TMEM63B: variants seen among roughly 807,000 people sequenced by gnomAD.
The protein encoded by TMEM63B is mechanosensitive cation channel TMEM63B.
A neutral mutation model predicts 102.6 loss-of-function variants in TMEM63B; 23 were observed. The ratio of observed to expected loss-of-function variants is 0.22; its 90% CI spans 0.16 to 0.32. The LOEUF is 0.32. Ranked by LOEUF, TMEM63B falls within the 10% of genes least tolerant of loss-of-function variation. The pLI, the probability that TMEM63B is intolerant of heterozygous loss-of-function variation, is 1.00. For synonymous variants in TMEM63B, 444 were observed against 437.0 expected, an observed-to-expected ratio of 1.02 and a Z score of -0.20; for missense variants, 628 against 1,095.9, an observed-to-expected ratio of 0.57 and a Z score of 6.03.
Position 44,127,583 on chromosome 6 carries a change from G to C in TMEM63B, c.-120G>C, listed in dbSNP as rs1037608838. On this transcript the variant is annotated 5_prime_UTR_variant, in exon 1 of 24. Coordinates refer to ENST00000323267, the MANE Select transcript of TMEM63B (RefSeq NM_018426.3). ...ACTGCCGCGGCCGCCGCAGGAGCCCGGAGCTCGAGCCGCCCAGCGACTCCC... is the reference window on the plus strand; with the variant it reads ...ACTGCCGCGGCCGCCGCAGGAGCCCCGAGCTCGAGCCGCCCAGCGACTCCC... 3.1e-5 allele frequency: 4 copies of C among 129,316 alleles called. No individual in the cohort carries two copies. The highest frequency in any genetic ancestry group is 3.2e-5 in the Non-Finnish European group (2 of 62,422). The allele number at this position is 129,316 out of a possible 1,614,324, so 8.0% of individuals were successfully genotyped here.
chr6:44,147,640 G>A, intron 12 of TMEM63B, 140 bp downstream of exon 12: 1 of 1,211,350 alleles, frequency 8.3e-7, no homozygotes, highest in Non-Finnish European at 1.1e-6. Context: ...TTTGTCTAAT[G>A]TCCCTACAGT....
chr6:44,131,428 C>T (rs1778262281), intron 1 of TMEM63B, among the ~76,000 whole-genome samples: 1 of 152,022 alleles, frequency 6.6e-6, no homozygotes, highest in African/African-American at 2.4e-5. Flanking sequence ...TAAATCTTGC[C>T]CAGTAACTCC....
At position 44,146,895 on chromosome 6, in the gene TMEM63B, C is replaced by T. The variant is rs145793813; in HGVS notation, c.831C>T (p.Asn277=). The change falls in exon 11 of 24, where the codon AAC becomes AAT. Residue 277 remains asparagine (N), a synonymous_variant. Transcript: ENST00000323267. ...CTVLEARPCY[N]VARLMFLDAE... is the part of the protein sequence containing the mutation. Reference sequence around the variant, plus strand: ...TTCTCGAAGCCCGCCCGTGTTACAACGTGGCTCGCCTAATGTTCCTCGATG... The same window carrying T: ...TTCTCGAAGCCCGCCCGTGTTACAATGTGGCTCGCCTAATGTTCCTCGATG... 4.7e-4 allele frequency: 761 copies of T among 1,614,088 alleles called. 2 individuals are homozygous for T. The African/African-American group carries it at 7.5e-3, about 16-fold the overall frequency.
chr6:44,132,555 G>A (rs184240374), intron 1 of TMEM63B, among the ~76,000 whole-genome samples: 7 of 152,176 alleles, frequency 4.6e-5, no homozygotes, highest in Admixed American at 4.6e-4. Flanking sequence ...ACTAGTTAGA[G>A]TCCCCCCAAC....
At chr6:44,127,879 A>C (rs1454694103) in intron 1 of TMEM63B, 2 of 149,302 alleles carry the variant, frequency 1.3e-5, no homozygotes, top group Non-Finnish European at 3.0e-5. Context: ...GAGTCCTCCA[A>C]CCCCTGCCGG....
chr6:44,140,324 A>G lies in TMEM63B; in HGVS notation c.675A>G (p.Arg225=), dbSNP rs1314405076. ...YLLLTVYSMR[R]HTSKMRYKED... is the part of the protein sequence containing the mutation. ...TGCTCACCGTCTACAGCATGCGTAG[A>G]CACACCTCCAAGATGCGCTACAAGG... The change falls in exon 9 of 24, where the codon AGA becomes AGG. Residue 225 remains arginine, a synonymous_variant. Transcript: ENST00000323267. 1 of 1,613,956 alleles carries G rather than the reference A, an allele frequency of 6.2e-7. No individual in the cohort carries two copies. The highest frequency in any genetic ancestry group is 1.6e-4 in the Middle Eastern group (1 of 6,062).
At position 44,134,742 on chromosome 6, in the gene TMEM63B, T is replaced by C. The variant is rs1374623087; in HGVS notation, c.158T>C (p.Leu53Pro). The change falls in exon 2 of 24, where the codon CTT (leucine) becomes CCT (proline). Residue 53 changes from leucine to proline, a missense_variant and splice_region_variant. Physicochemically the swap from Leu to Pro is moderately conservative, Grantham distance 98 (BLOSUM62 -3). This residue lies in a region of TMEM63B where 336 missense variants were observed against 580.3 expected (regional missense o/e 0.58). Coordinates refer to ENST00000323267, the MANE Select transcript of TMEM63B (RefSeq NM_018426.3). ...CTGGCTCTCGACTTCATGTGCTTCC[T>C]TGTAAGTGCCTGCTGCCACCCCTTA... Reference protein sequence around the residue: ...TVLALDFMCFLALLFLFSILR... With the variant: ...TVLALDFMCFPALLFLFSILR... 6.2e-7 allele frequency: 1 copy of C among 1,611,594 alleles called. No homozygotes were observed. Among genetic ancestry groups the C allele is most frequent in the Non-Finnish European group, 8.5e-7 (1 of 1,178,220 alleles).
intron 12 of TMEM63B, 23 bp downstream of exon 12, chr6:44,147,523 A>T: frequency 1.9e-6 from 3 of 1,612,472 alleles, no homozygotes; most frequent in Non-Finnish European, 2.5e-6. Flanking sequence ...CTGGCTGTTG[A>T]GTCGGGAGAA....
chr6:44,146,249 T>C (rs73429763), intron 10 of TMEM63B, among the ~76,000 whole-genome samples: 1,694 of 152,154 alleles, frequency 0.011, 35 homozygotes, highest in African/African-American at 0.039. Context: ...AATCAGACCA[T>C]AGCCCTGGCT....
intron 10 of TMEM63B, 81 bp from the exon 11 acceptor site, chr6:44,146,766 G>C (rs1408956139): frequency 2.2e-6 from 3 of 1,389,442 alleles, no homozygotes; most frequent in African/African-American, 2.8e-5. Flanking sequence ...TGTGTTTCTT[G>C]AAGGTGATGG....
chr6:44,139,797 G>T, intron 8 of TMEM63B, 38 bp downstream of exon 8: 1 of 1,613,436 alleles, frequency 6.2e-7, no homozygotes, highest in South Asian at 1.1e-5. Flanking sequence ...CAAGGTCTAC[G>T]ACCAGAGTCT....
intron 4 of TMEM63B, among the ~76,000 whole-genome samples, 161 bp downstream of exon 4, chr6:44,135,527 A>G (rs1762769651): frequency 6.6e-6 from 1 of 152,180 alleles, no homozygotes; most frequent in African/African-American, 2.4e-5. Flanking sequence ...TTTGCAGAGC[A>G]GGGGGCTCCC....
chr6:44,135,513 G>A (rs1762768018), intron 4 of TMEM63B, 147 bp downstream of exon 4: 1 of 1,030,090 alleles, frequency 9.7e-7, no homozygotes, highest in Non-Finnish European at 1.4e-6. Flanking sequence ...CGCAGGCGGT[G>A]TGCTTTGCAG....
intron 21 of TMEM63B, 24 bp downstream of exon 21, chr6:44,153,867 C>T (rs371898303): frequency 4.7e-5 from 76 of 1,604,608 alleles, no homozygotes; most frequent in South Asian, 1.3e-4. Flanking sequence ...ACCCAGGGAA[C>T]GGGGGGTGGC....
intron 1 of TMEM63B, among the ~76,000 whole-genome samples, chr6:44,130,148 C>T (rs945900121): frequency 2.0e-5 from 3 of 152,228 alleles, no homozygotes; most frequent in Admixed American, 2.0e-4. Flanking sequence ...CTCCGGCTCC[C>T]TGGTGGAAGT....
At chr6:44,144,535 A>C (rs1327094423) in intron 10 of TMEM63B, among the ~76,000 whole-genome samples, 1 of 152,112 alleles carries the variant, frequency 6.6e-6, no homozygotes, top group Non-Finnish European at 1.5e-5. Context: ...GACTATCTTA[A>C]TACTTTAGAA....
intron 8 of TMEM63B, 21 bp from the exon 9 acceptor site, chr6:44,140,231 T>G: frequency 4.4e-6 from 7 of 1,603,230 alleles, no homozygotes; most frequent in Non-Finnish European, 6.0e-6. Flanking sequence ...GGCTCCCATG[T>G]ATCCTCTCTG....
Position 44,152,135 on chromosome 6 carries a change from G to C in TMEM63B, c.1836+127G>C. 5 of 1,197,786 alleles carry C rather than the reference G, an allele frequency of 4.2e-6. No individual in the cohort carries two copies. The South Asian group carries it at 7.9e-5, about 19-fold the overall frequency. 74.2% of individuals were successfully genotyped at this position (1,197,786 alleles called of 1,614,324 possible). Reference sequence around the variant, plus strand: ...GACTTGGGGAGTACAGTTGACTCACGGTGGATCCGGGCCATCCCCTTCCCA... The same window carrying C: ...GACTTGGGGAGTACAGTTGACTCACCGTGGATCCGGGCCATCCCCTTCCCA... On this transcript the variant is annotated intron_variant, in intron 19 of 23. Transcript: ENST00000323267. The surrounding 1 kb of genome is among the most constrained non-coding windows in gnomAD (Gnocchi z 6.4).
At chr6:44,146,963 G>A (rs1264466041) in intron 11 of TMEM63B, 36 bp downstream of exon 11, 1 of 1,605,804 alleles carries the variant, frequency 6.2e-7, no homozygotes, top group South Asian at 1.1e-5. Context: ...TGACACCAAG[G>A]GCCCCCTGCC....
Sources: allele counts gnomAD v4.1 joint callset (sites outside exome capture counted in the v4.1 genomes callset), GRCh38; gene constraint gnomAD v4.1.1; regional missense constraint gnomAD v4.1.1; non-coding constraint Gnocchi (gnomAD v3.1); transcripts MANE v1.5; gene names NCBI Gene and HGNC (gene_info 2026-07-23, HGNC 2026-07-21).